Variants in YLPM1 observed in about 807,000 individuals in gnomAD.
YLPM1 encodes the protein YLP motif containing 1, also known as YLP motif-containing protein 1.
A neutral mutation model predicts 230.0 loss-of-function variants in YLPM1; 99 were observed. The observed-to-expected ratio is 0.43, with a 90% CI of 0.37 to 0.51. The LOEUF (loss-of-function observed/expected upper bound fraction) is 0.51. YLPM1 is among the 20% of genes least tolerant of loss of function. The pLI, the probability that YLPM1 is intolerant of heterozygous loss-of-function variation, is 0.00. For missense variants in YLPM1, 2,592 were observed against 2,707.7 expected (o/e 0.96, Z 0.95); for synonymous variants, 984 against 942.5 (o/e 1.04, Z -0.81).
intron 19 of YLPM1, among the ~76,000 whole-genome samples, chr14:74,830,903 A>G (rs1004322938): frequency 6.6e-6 from 1 of 152,178 alleles, no homozygotes; most frequent in Non-Finnish European, 1.5e-5. Context: ...GGGGATTACA[A>G]TTCAACATGA....
chr14:74,802,777 C>T lies in YLPM1; in HGVS notation c.4521+101C>T, dbSNP rs900111730. The T allele has an allele frequency of 1.0e-5, 14 of 1,379,932 alleles. No homozygotes were observed. In the Admixed American group the frequency reaches 3.8e-4, roughly 38 times the overall value. 85.5% of individuals were successfully genotyped at this position (1,379,932 alleles called of 1,614,324 possible). A position where few individuals can be genotyped will look rare whatever the true frequency, so the allele number is the denominator to read the frequency against. ...AAGTTGAATAAATAACAAATTTCCT[C>T]TATAAAATGTAAATTTTGGAAACTT... On this transcript the variant is annotated intron_variant, in intron 6 of 20. Coordinates refer to ENST00000325680, the MANE Select transcript of YLPM1 (RefSeq NM_019589.3).
chr14:74,765,127 A>G (rs530256529), intron 1 of YLPM1, among the ~76,000 whole-genome samples: 7 of 152,210 alleles, frequency 4.6e-5, no homozygotes, highest in South Asian at 4.1e-4. Context: ...ATATCTTTTC[A>G]TGAGAGAGTC....
intron 2 of YLPM1, among the ~76,000 whole-genome samples, chr14:74,779,816 T>C (rs971378776): frequency 1.7e-4 from 25 of 148,752 alleles, no homozygotes; most frequent in Non-Finnish European, 2.4e-4. Context: ...TCCTTTTTTT[T>C]TTTTTGAGAT....
intron 2 of YLPM1, among the ~76,000 whole-genome samples, chr14:74,779,681 G>T (rs1293337519): frequency 3.5e-5 from 5 of 143,658 alleles, no homozygotes; most frequent in Admixed American, 7.1e-5. Flanking sequence ...TCACTCTGTT[G>T]CCCAGGCTGG....
rs1448052391 is a variant in YLPM1, at chr14:74,782,276, C to T, written c.2233C>T (p.Leu745Phe). Residue 745 changes from leucine to phenylalanine, a missense_variant, in exon 4 of 21, where the codon CTT (leucine) becomes TTT (phenylalanine). By Grantham distance (22) the Leu-to-Phe change is conservative. Around this residue, in one of 4 missense-constraint regions of YLPM1, gnomAD observed 1,862 missense variants for 1,819.8 expected, o/e 1.02. Transcript: ENST00000325680. ...KDMPVRSGGL[L>F]PDPPRSSYLE... ...CATGCCAGTGAGATCAGGTGGCCTG[C>T]TTCCAGATCCTCCTAGAAGTAGTTA... 6.4e-7 allele frequency: 1 copy of T among 1,570,222 alleles called. No homozygotes were observed. The highest frequency in any genetic ancestry group is 8.6e-7 in the Non-Finnish European group (1 of 1,167,968).
At chr14:74,776,838 C>A (rs1387330728) in intron 1 of YLPM1, among the ~76,000 whole-genome samples, 3 of 151,850 alleles carry the variant, frequency 2.0e-5, no homozygotes, top group Non-Finnish European at 4.4e-5. Context: ...CAAGGTGGAT[C>A]ACTTGAGTCC....
chr14:74,791,430 C>G (rs556653713), intron 4 of YLPM1, among the ~76,000 whole-genome samples: 21 of 152,322 alleles, frequency 1.4e-4, no homozygotes, highest in African/African-American at 1.9e-4. Context: ...ACAAAGCACC[C>G]TACCCTTTCA....
In YLPM1 at chr14:74,818,239, T is replaced by C. The variant is rs770112803; in HGVS notation, c.5955T>C (p.Asp1985=). 16 of 1,600,362 alleles carry C rather than the reference T, an allele frequency of 1.0e-5. No individual in the cohort carries two copies. The South Asian group carries it at 1.7e-4, about 17-fold the overall frequency. ...TCTGAATTTTTCAATAGATGGCTGA[T>C]CACTGGGAAACTGCACCTCGTCACA... ...RKLKEINKMA[D]HWETAPRHMM... is the part of the protein sequence containing the mutation. Residue 1985 remains aspartate, a synonymous_variant, in exon 16 of 21, where the codon GAT becomes GAC. Transcript: ENST00000325680.
chr14:74,802,552 G>C lies in YLPM1; in HGVS notation c.4401-4G>C, dbSNP rs749224029. ...TGTACTATGTCAATTTTATTTGTTT[G>C]CAGGGAACAGAAAGAACAGCTTCAA... On this transcript the variant is annotated splice_region_variant and splice_polypyrimidine_tract_variant and intron_variant, in intron 5 of 20. Transcript: ENST00000325680. The C allele has an allele frequency of 6.2e-7, 1 of 1,609,686 alleles. No individual in the cohort carries two copies. The highest frequency in any genetic ancestry group is 8.5e-7 in the Non-Finnish European group (1 of 1,178,610).
chr14:74,800,342 A>T (rs1285115220), intron 5 of YLPM1, among the ~76,000 whole-genome samples: 1 of 152,128 alleles, frequency 6.6e-6, no homozygotes, highest in East Asian at 1.9e-4. Context: ...TATCTACATA[A>T]TTTTCCTCTT....
intron 18 of YLPM1, among the ~76,000 whole-genome samples, chr14:74,825,061 T>A (rs2091551733): frequency 6.6e-6 from 1 of 152,200 alleles, no homozygotes; most frequent in African/African-American, 2.4e-5. Flanking sequence ...TAAAACAATG[T>A]GCTAAGGACT....
chr14:74,793,677 A>C (rs2091230140), intron 4 of YLPM1, among the ~76,000 whole-genome samples: 1 of 152,220 alleles, frequency 6.6e-6, no homozygotes, highest in Admixed American at 6.5e-5. Context: ...CATGGAAGAC[A>C]CTGACAAACT....
intron 1 of YLPM1, among the ~76,000 whole-genome samples, chr14:74,769,587 AT>A (rs34503309): frequency 6.8e-6 from 1 of 147,670 alleles, no homozygotes; most frequent in Admixed American, 6.7e-5. Context: ...GTGCCCGGCC[AT>A]TTTTTTTTGT....
chr14:74,805,516 A>T (rs551802540), intron 6 of YLPM1, among the ~76,000 whole-genome samples: 23 of 151,268 alleles, frequency 1.5e-4, no homozygotes, highest in South Asian at 6.3e-4. Flanking sequence ...CTAATAATAA[A>T]AAAAAAAAAT....
At chr14:74,804,026 G>T (rs1033379828) in intron 6 of YLPM1, among the ~76,000 whole-genome samples, 1 of 151,980 alleles carries the variant, frequency 6.6e-6, no homozygotes, top group Non-Finnish European at 1.5e-5. Flanking sequence ...GCGTGGTGGC[G>T]CATGCCTGTA....
At chr14:74,825,410 T>G (rs1023588796) in intron 18 of YLPM1, among the ~76,000 whole-genome samples, 23 of 152,150 alleles carry the variant, frequency 1.5e-4, no homozygotes, top group Admixed American at 6.6e-5. Context: ...TTTTTTTAGT[T>G]TATGTCATGT....
At chr14:74,829,391 G>C (rs766449398) in intron 19 of YLPM1, 48 bp downstream of exon 19, 1 of 1,607,572 alleles carries the variant, frequency 6.2e-7, no homozygotes, top group Admixed American at 1.7e-5. Flanking sequence ...GCCCATTTAG[G>C]CATCTGGTTT....
At chr14:74,775,116 A>G (rs1037358036) in intron 1 of YLPM1, among the ~76,000 whole-genome samples, 3 of 152,236 alleles carry the variant, frequency 2.0e-5, no homozygotes, top group African/African-American at 7.2e-5. Flanking sequence ...CAAAAAATCC[A>G]GTCATGGGTT....
intron 1 of YLPM1, among the ~76,000 whole-genome samples, chr14:74,771,350 G>C (rs977243287): frequency 3.3e-5 from 5 of 152,196 alleles, no homozygotes; most frequent in African/African-American, 4.8e-5. Context: ...TGTGTGTAGA[G>C]TAAGAACTGA....
Sources: gnomAD v4.1 joint callset for allele counts (sites outside exome capture counted in the v4.1 genomes callset) on GRCh38, gnomAD v4.1.1 for gene constraint, gnomAD v4.1.1 regional missense constraint, MANE v1.5 for transcripts, NCBI Gene and HGNC (gene_info 2026-07-23, HGNC 2026-07-21) for gene names.